LAMA2: variants seen among roughly 807,000 people sequenced by gnomAD.
The protein encoded by LAMA2 is laminin subunit alpha-2.
LAMA2 carries 269 observed loss-of-function variants against 364.8 expected under a neutral mutation model. The observed-to-expected ratio is 0.74, with a 90% confidence interval of 0.67 to 0.82. The LOEUF is 0.82. Among genes scored for constraint, LAMA2 ranks in the 40% least tolerant of loss-of-function variants. The pLI is 0.00. For missense variants in LAMA2, 3,807 were observed against 3,873.2 expected (o/e 0.98, Z 0.45); for synonymous variants, 1,379 against 1,370.6 (o/e 1.01, Z -0.14).
At chr6:129,080,525 A>G (rs1042603213) in intron 3 of LAMA2, among the ~76,000 whole-genome samples, 1 of 152,184 alleles carries the variant, frequency 6.6e-6, no homozygotes, top group Non-Finnish European at 1.5e-5. Flanking sequence ...AAATGTCCAT[A>G]TGAACTTACA....
intron 1 of LAMA2, among the ~76,000 whole-genome samples, chr6:128,921,698 T>G (rs1244822865): frequency 5.5e-5 from 6 of 108,362 alleles, no homozygotes; most frequent in African/African-American, 2.1e-4. Context: ...TGAATGTCTG[T>G]TTTTTTTTTT....
chr6:129,244,361 A>G (rs971991174), intron 12 of LAMA2, among the ~76,000 whole-genome samples: 1 of 152,110 alleles, frequency 6.6e-6, no homozygotes, highest in Non-Finnish European at 1.5e-5. Context: ...AAACACTTCT[A>G]TGGGAGGGAT....
chr6:129,252,645 C>T (rs1052010134), intron 14 of LAMA2, among the ~76,000 whole-genome samples: 1 of 152,058 alleles, frequency 6.6e-6, no homozygotes, highest in African/African-American at 2.4e-5. Context: ...CCAGGGCACC[C>T]CTATTTGGAA....
intron 51 of LAMA2, among the ~76,000 whole-genome samples, chr6:129,470,461 C>G (rs1182332277): frequency 1.3e-5 from 2 of 151,726 alleles, no homozygotes; most frequent in Non-Finnish European, 2.9e-5. Flanking sequence ...TGGCTAAAAC[C>G]TGAGATGTGG....
chr6:129,029,204 A>G (rs886909229), intron 1 of LAMA2, among the ~76,000 whole-genome samples: 1 of 151,958 alleles, frequency 6.6e-6, no homozygotes, highest in African/African-American at 2.4e-5. Context: ...TGAAGAAATT[A>G]CTCTGTGTGC....
At chr6:129,171,578 C>A (rs1246283209) in intron 9 of LAMA2, among the ~76,000 whole-genome samples, 2 of 151,886 alleles carry the variant, frequency 1.3e-5, no homozygotes, top group African/African-American at 4.8e-5. Context: ...TTGAGGGTAA[C>A]CCGACCTTTC....
At chr6:129,450,028 T>C (rs1288041505) in intron 45 of LAMA2, among the ~76,000 whole-genome samples, 1 of 151,932 alleles carries the variant, frequency 6.6e-6, no homozygotes, top group Non-Finnish European at 1.5e-5. Flanking sequence ...ATTGTCTCAA[T>C]CTCTTGACCT....
chr6:129,365,855 C>T (rs757142797), intron 32 of LAMA2, among the ~76,000 whole-genome samples: 17 of 152,068 alleles, frequency 1.1e-4, no homozygotes, highest in Non-Finnish European at 2.4e-4. Context: ...AGGTTCCTTT[C>T]GATTGCTCAT....
chr6:128,931,663 A>C (rs1476476421), intron 1 of LAMA2, among the ~76,000 whole-genome samples: 1 of 152,334 alleles, frequency 6.6e-6, no homozygotes, highest in Admixed American at 6.5e-5. Flanking sequence ...AGGCAAGAAC[A>C]TGTCTAGTCA....
chr6:129,516,099 A>AAT (rs1787047644), intron 64 of LAMA2, 91 bp from the exon 65 acceptor site: 2 of 1,375,766 alleles, frequency 1.5e-6, no homozygotes, highest in Non-Finnish European at 2.1e-6. Flanking sequence ...ATTCCAATTT[A>AAT]ATCTCAAGCT....
intron 1 of LAMA2, among the ~76,000 whole-genome samples, chr6:128,945,358 C>T (rs1486300986): frequency 3.3e-5 from 5 of 152,278 alleles, no homozygotes. Flanking sequence ...AGTGTAGTTG[C>T]CATCGGACTC....
rs76241148 is a variant in LAMA2, at chr6:129,257,365, A to G, written c.2097-3346A>G. On this transcript the variant is annotated intron_variant, in intron 14 of 64. Coordinates refer to ENST00000421865, the MANE Select transcript of LAMA2 (RefSeq NM_000426.4). ...ACTGGGAAAGATGTTTGAGTGTTGA[A>G]GTTTCTCATAGCTCAGAATGGTTAC... Among the ~76,000 whole-genome samples, 827 of 152,214 alleles carry G rather than the reference A, an allele frequency of 5.4e-3. 5 individuals carry two copies. Among genetic ancestry groups the G allele is most frequent in the African/African-American group, 0.019 (803 of 41,572 alleles).
chr6:129,381,955 C>G (rs1363926387), intron 34 of LAMA2, among the ~76,000 whole-genome samples: 1 of 152,162 alleles, frequency 6.6e-6, no homozygotes, highest in Non-Finnish European at 1.5e-5. Context: ...CCTCTTGCTG[C>G]CCTTGGAAAA....
intron 64 of LAMA2, among the ~76,000 whole-genome samples, 173 bp from the exon 65 acceptor site, chr6:129,516,017 A>AGTT (rs1270931979): frequency 7.3e-6 from 1 of 137,504 alleles, no homozygotes; most frequent in African/African-American, 2.5e-5. Flanking sequence ...AAAAATTTTA[A>AGTT]GTTGATCTTT....
intron 4 of LAMA2, among the ~76,000 whole-genome samples, chr6:129,120,736 A>G (rs1466747312): frequency 6.6e-6 from 1 of 152,162 alleles, no homozygotes. Flanking sequence ...GTCTCTTCAC[A>G]TTGGGTTAGG....
At position 129,297,165 on chromosome 6, in the gene LAMA2, T is replaced by G. The variant is rs565594966; in HGVS notation, c.2857-520T>G. On this transcript the variant is annotated intron_variant, in intron 20 of 64. Transcript: ENST00000421865. ...AAAATTATATTTATAATGTGAACAC[T>G]ATAGCAATGATTAAAAGTATTTATG... Among the ~76,000 whole-genome samples the G allele has an allele frequency of 9.2e-5, 14 of 152,342 alleles. 4 individuals are homozygous for G. Among genetic ancestry groups the G allele is most frequent in the African/African-American group, 3.4e-4 (14 of 41,586 alleles).
intron 12 of LAMA2, among the ~76,000 whole-genome samples, chr6:129,222,606 C>T (rs1393588287): frequency 6.7e-6 from 1 of 149,128 alleles, no homozygotes; most frequent in Non-Finnish European, 1.5e-5. Flanking sequence ...AGTTTGTTGT[C>T]CTTGTGATAG....
chr6:129,355,572 T>C (rs559058082), intron 32 of LAMA2, among the ~76,000 whole-genome samples: 6 of 152,292 alleles, frequency 3.9e-5, no homozygotes, highest in African/African-American at 1.2e-4. Context: ...TTTTAGCACA[T>C]GTAATCATGG....
chr6:129,133,638 G>T (rs1286051031), intron 4 of LAMA2, among the ~76,000 whole-genome samples: 1 of 152,142 alleles, frequency 6.6e-6, no homozygotes, highest in East Asian at 1.9e-4. Flanking sequence ...GCTCAGTCTT[G>T]AAGAGCTTGT....
Sources: allele counts gnomAD v4.1 joint callset (sites outside exome capture counted in the v4.1 genomes callset), GRCh38; gene constraint gnomAD v4.1.1; transcripts MANE v1.5; gene names NCBI Gene and HGNC (gene_info 2026-07-23, HGNC 2026-07-21).